ARHGEF18: variants seen among roughly 807,000 people sequenced by gnomAD.
ARHGEF18 encodes the protein rho guanine nucleotide exchange factor 18.
In ARHGEF18, 93 loss-of-function variants were observed where a neutral mutation model predicts 155.7. The observed-to-expected ratio is 0.60, with a 90% CI of 0.50 to 0.71. ARHGEF18 has a LOEUF of 0.71. Among genes scored for constraint, ARHGEF18 ranks in the 30% least tolerant of loss-of-function variants. The pLI is 0.00. For missense variants in ARHGEF18, 1,593 were observed against 1,816.1 expected, an observed-to-expected ratio of 0.88 and a Z score of 2.23; for synonymous variants, 742 against 753.1, an observed-to-expected ratio of 0.99 and a Z score of 0.24.
chr19:7,401,299 G>A (rs1972010054), intron 10 of ARHGEF18, among the ~76,000 whole-genome samples: 1 of 151,910 alleles, frequency 6.6e-6, no homozygotes, highest in African/African-American at 2.4e-5. Context: ...GTTTGTTTTG[G>A]TTTTGAGTCA....
Position 7,470,284 on chromosome 19 carries a change from G to A in ARHGEF18, c.4072G>A (p.Val1358Ile), listed in dbSNP as rs144939598. ...SAKEDASKEDVIFF is the reference protein window; with the variant it reads ...SAKEDASKEDIIFF Reference sequence around the variant, plus strand: ...CAAGGAGGACGCCAGCAAAGAAGACGTCATCTTCTTCTAAAAGGGCCGTGA... The same window carrying A: ...CAAGGAGGACGCCAGCAAAGAAGACATCATCTTCTTCTAAAAGGGCCGTGA... Residue 1358 changes from valine to isoleucine, a missense_variant, in exon 29 of 29, where the codon GTC (valine) becomes ATC (isoleucine). Val to Ile is a conservative substitution (Grantham distance 29, BLOSUM62 3). Coordinates refer to ENST00000668164, the MANE Select transcript of ARHGEF18 (RefSeq NM_001367823.1). This position sits in a 1 kb window ranked among gnomAD's most constrained non-coding sequence, Gnocchi z 5.9. 99 of 1,538,530 alleles carry A rather than the reference G, an allele frequency of 6.4e-5. 1 individual carries two copies. The East Asian group carries it at 9.6e-4, about 15-fold the overall frequency.
chr19:7,471,066 C>A lies in ARHGEF18; in HGVS notation c.*768C>A, dbSNP rs1319580840. The A allele has an allele frequency of 2.8e-6, 1 of 358,188 alleles. No individual in the cohort carries two copies. The highest frequency in any genetic ancestry group is 4.7e-5 in the Admixed American group (1 of 21,332). 22.2% of individuals were successfully genotyped at this position (358,188 alleles called of 1,614,324 possible). A position where few individuals can be genotyped will look rare whatever the true frequency, so the allele number is the denominator to read the frequency against. On this transcript the variant is annotated 3_prime_UTR_variant, in exon 29 of 29. Coordinates refer to ENST00000668164, the MANE Select transcript of ARHGEF18 (RefSeq NM_001367823.1). This position sits in a 1 kb window ranked among gnomAD's most constrained non-coding sequence, Gnocchi z 4.4. ...CCAAACTCTGCTTCCCAAGGGCAAC[C>A]GTTGCTGTTCACACGCTCAGCCTGT...
intron 16 of ARHGEF18, among the ~76,000 whole-genome samples, chr19:7,453,235 C>T (rs771948427): frequency 4.1e-5 from 6 of 146,238 alleles, no homozygotes; most frequent in Non-Finnish European, 9.0e-5. Flanking sequence ...TAAACTCTGA[C>T]GTGTTGCATT....
rs1600237196 is a variant in ARHGEF18, at chr19:7,380,918, G to GC, written c.649dup (p.Arg217ProfsTer21). 6.5e-6 allele frequency: 8 copies of GC among 1,232,036 alleles called. No individual in the cohort carries two copies. Among genetic ancestry groups the GC allele is most frequent in the Non-Finnish European group, 7.1e-6 (7 of 987,976 alleles). 76.3% of individuals were successfully genotyped at this position (1,232,036 alleles called of 1,614,324 possible). On this transcript the variant is annotated frameshift_variant and splice_region_variant, in exon 8 of 29. Transcript: ENST00000668164. LOFTEE classifies it high-confidence loss of function. Reference sequence around the variant, plus strand: ...TATCTGTCCCCTCTGATCCTGCAGGGCCCGGCAGAGGGCTTGCATGTCAGC... The same window carrying GC: ...TATCTGTCCCCTCTGATCCTGCAGGGCCCCGGCAGAGGGCTTGCATGTCAGC...
chr19:7,457,410 GAGTGTGCAATGA>G (rs1975913802), intron 18 of ARHGEF18, among the ~76,000 whole-genome samples: 2 of 138,938 alleles, frequency 1.4e-5, no homozygotes, highest in Non-Finnish European at 3.0e-5. Flanking sequence ...GCCCAGGCTG[GAGTGTGCAATGA>G]CACAATCTCG....
chr19:7,406,053 G>C (rs1388858766), intron 10 of ARHGEF18, among the ~76,000 whole-genome samples: 8 of 152,070 alleles, frequency 5.3e-5, no homozygotes, highest in African/African-American at 1.7e-4. Context: ...GAGGAAAGAG[G>C]AGGTCTTCAG....
intron 10 of ARHGEF18, among the ~76,000 whole-genome samples, chr19:7,384,692 A>AT (rs369171603): frequency 0.3 from 42,058 of 141,388 alleles, 6,280 homozygotes; most frequent in East Asian, 0.33. Flanking sequence ...TTTTTGCAAA[A>AT]TTTTTTTTTT....
In ARHGEF18 at chr19:7,444,390, C is replaced by G; in HGVS notation, c.1547C>G (p.Ser516Cys). 6.2e-7 allele frequency: 1 copy of G among 1,613,686 alleles called. No homozygotes were observed. Among genetic ancestry groups the G allele is most frequent in the Non-Finnish European group, 8.5e-7 (1 of 1,180,030 alleles). The change falls in exon 14 of 29, where the codon TCC (serine) becomes TGC (cysteine). Residue 516 changes from serine (S) to cysteine (C), a missense_variant. By Grantham distance (112) the Ser-to-Cys change is moderately radical (BLOSUM62 -1). Transcript: ENST00000668164. The surrounding 1 kb of genome is among the most constrained non-coding windows in gnomAD (Gnocchi z 4.7). Reference protein sequence around the residue: ...LARLKERRQESLEEGSDRNYV... With the variant: ...LARLKERRQECLEEGSDRNYV... Reference sequence around the variant, plus strand: ...CGGCTCAAGGAGCGCCGCCAGGAGTCCCTGGAGGAGGGCAGTGACCGGAAT... The same window carrying G: ...CGGCTCAAGGAGCGCCGCCAGGAGTGCCTGGAGGAGGGCAGTGACCGGAAT...
intron 10 of ARHGEF18, among the ~76,000 whole-genome samples, chr19:7,421,954 C>A (rs1279823872): frequency 6.6e-6 from 1 of 152,006 alleles, no homozygotes; most frequent in Non-Finnish European, 1.5e-5. Context: ...CTCGGTGGCC[C>A]AAACCAGACA....
the ARHGEF18 span, chr19:7,478,243 T>A: frequency 6.6e-7 from 1 of 1,516,004 alleles, no homozygotes; most frequent in Non-Finnish European, 9.0e-7. Context: ...TGCACAGGGG[T>A]GGCTGCGAGC....
At chr19:7,451,867 G>A (rs1045974856) in intron 16 of ARHGEF18, among the ~76,000 whole-genome samples, 7 of 151,794 alleles carry the variant, frequency 4.6e-5, no homozygotes, top group Admixed American at 6.6e-5. Context: ...GACTACAGGC[G>A]CCCACCACCA....
chr19:7,371,515 T>G (rs1429985578), intron 2 of ARHGEF18, among the ~76,000 whole-genome samples: 2 of 152,064 alleles, frequency 1.3e-5, no homozygotes, highest in East Asian at 3.9e-4. Flanking sequence ...AAACCCCGTC[T>G]CTAATAAAAA....
rs116399859 is a variant in ARHGEF18 at position 7,460,009 on chromosome 19, G to A, written c.2452+15G>A. 6.0e-3 allele frequency: 9,349 copies of A among 1,560,188 alleles called. 66 individuals are homozygous for A. Among genetic ancestry groups the A allele is most frequent in the Middle Eastern group, 0.025 (148 of 5,996 alleles). The stretch of plus-strand genomic sequence containing the variant: ...GGACTTTCAAGGTGAGCGGGAGACA[G>A]CGTCTGGGCACACCCCTTGTGTGGT... On this transcript the variant is annotated intron_variant, in intron 20 of 28. Transcript: ENST00000668164.
At chr19:7,400,710 T>C (rs1394511393) in intron 10 of ARHGEF18, among the ~76,000 whole-genome samples, 1 of 152,118 alleles carries the variant, frequency 6.6e-6, no homozygotes, top group Non-Finnish European at 1.5e-5. Flanking sequence ...GGCTCACACC[T>C]CTGGCCCCAG....
chr19:7,371,618 C>T (rs373412222), intron 2 of ARHGEF18, among the ~76,000 whole-genome samples: 3 of 151,976 alleles, frequency 2.0e-5, no homozygotes, highest in Non-Finnish European at 4.4e-5. Context: ...GTCAGGAGTT[C>T]GAGACCAACC....
intron 19 of ARHGEF18, among the ~76,000 whole-genome samples, chr19:7,459,258 A>G (rs564714109): frequency 2.3e-3 from 346 of 151,056 alleles, no homozygotes; most frequent in Admixed American, 5.1e-3. Context: ...CTCTTGCTCT[A>G]TCACCCAGGC....
intron 10 of ARHGEF18, among the ~76,000 whole-genome samples, chr19:7,415,002 A>G (rs1396122057): frequency 6.6e-6 from 1 of 152,040 alleles, no homozygotes; most frequent in Non-Finnish European, 1.5e-5. Context: ...CTCAAAATAA[A>G]TAAGTAAATA....
At chr19:7,367,229 G>A (rs902297564) in intron 2 of ARHGEF18, among the ~76,000 whole-genome samples, 9 of 152,160 alleles carry the variant, frequency 5.9e-5, no homozygotes, top group African/African-American at 1.4e-4. Flanking sequence ...GTACTTGATC[G>A]AGGTCATGCT....
chr19:7,458,708 G>A lies in ARHGEF18; in HGVS notation c.2360+18G>A, dbSNP rs1468246042. On this transcript the variant is annotated intron_variant, in intron 19 of 28. Coordinates refer to ENST00000668164, the MANE Select transcript of ARHGEF18 (RefSeq NM_001367823.1). Reference sequence around the variant, plus strand: ...GTGGAGAGGTGAGGAGGGCCTGGGGGTCTCCCCACCCACTGTGTTCCTTCC... The same window carrying A: ...GTGGAGAGGTGAGGAGGGCCTGGGGATCTCCCCACCCACTGTGTTCCTTCC... 1 of 1,599,654 alleles carries A rather than the reference G, an allele frequency of 6.3e-7. No homozygotes were observed. The highest frequency in any genetic ancestry group is 1.7e-5 in the Admixed American group (1 of 59,356).
Sources: allele counts gnomAD v4.1 joint callset (sites outside exome capture counted in the v4.1 genomes callset), GRCh38; gene constraint gnomAD v4.1.1; non-coding constraint Gnocchi (gnomAD v3.1); transcripts MANE v1.5; gene names NCBI Gene and HGNC (gene_info 2026-07-23, HGNC 2026-07-21).